Variants in SKAP1 observed in about 807,000 individuals in gnomAD.
SKAP1 encodes the protein src kinase-associated phosphoprotein 1.
Under a neutral mutation model 58.5 loss-of-function variants are expected in SKAP1, and 44 were observed. The observed-to-expected ratio is 0.75, with a 90% CI of 0.59 to 0.97. The LOEUF (loss-of-function observed/expected upper bound fraction) is 0.97, where lower values mean the gene tolerates loss of function less well. SKAP1 is among the 50% of genes least tolerant of loss of function. The pLI, the probability that SKAP1 is intolerant of heterozygous loss-of-function variation, is 0.00. For missense variants in SKAP1, 390 were observed against 435.2 expected (o/e 0.90, Z 0.92); for synonymous variants, 127 against 149.7 (o/e 0.85, Z 1.11).
intron 2 of SKAP1, among the ~76,000 whole-genome samples, chr17:48,377,845 A>G (rs1241268678): frequency 6.6e-6 from 1 of 152,186 alleles, no homozygotes; most frequent in African/African-American, 2.4e-5. Context: ...GTGCCTGCAT[A>G]TATTAAATAC....
chr17:48,289,875 G>T (rs919690308), intron 4 of SKAP1, among the ~76,000 whole-genome samples: 3 of 152,006 alleles, frequency 2.0e-5, no homozygotes, highest in Non-Finnish European at 4.4e-5. Context: ...TAAACTAAAG[G>T]AGTATTTCAG....
In SKAP1 at chr17:48,339,452, T is replaced by C. The variant is rs1210201133; in HGVS notation, c.280+6453A>G. Among the ~76,000 whole-genome samples the C allele has an allele frequency of 2.6e-5, 4 of 152,238 alleles. No homozygotes were observed. The East Asian group carries it at 7.7e-4, about 29-fold the overall frequency. ...CATAGCTTACATAGTTTTAAAAAAA[T>C]ACACACGAAGAAAGTTAACAAGCCT... On this transcript the variant is annotated intron_variant, in intron 4 of 12. Coordinates refer to ENST00000336915, the MANE Select transcript of SKAP1 (RefSeq NM_003726.4).
At chr17:48,228,718 T>TTAAGTAATTTGCTCAA (rs2065096227) in intron 4 of SKAP1, among the ~76,000 whole-genome samples, 1 of 152,170 alleles carries the variant, frequency 6.6e-6, no homozygotes, top group Admixed American at 6.5e-5. Flanking sequence ...GATACAGAGT[T>TTAAGTAATTTGCTCAA]TAAGTAATTT....
At position 48,410,015 on chromosome 17, in the gene SKAP1, A is replaced by T. The variant is rs559422869; in HGVS notation, c.47-13230T>A. On this transcript the variant is annotated intron_variant, in intron 1 of 12. Coordinates refer to ENST00000336915, the MANE Select transcript of SKAP1 (RefSeq NM_003726.4). ...AGGCGCTGACCTAAGTAGCTTTGGA[A>T]ATGAGCAGAATTTGCAAGACTACAG... Among the ~76,000 whole-genome samples, 4 of 152,362 alleles carry T rather than the reference A, an allele frequency of 2.6e-5. No individual in the cohort carries two copies. The South Asian group carries it at 8.3e-4, about 32-fold the overall frequency.
chr17:48,178,558 T>C (rs1364440707), intron 9 of SKAP1, among the ~76,000 whole-genome samples: 1 of 152,238 alleles, frequency 6.6e-6, no homozygotes, highest in Non-Finnish European at 1.5e-5. Flanking sequence ...TGTTTTAATG[T>C]AGCAATTTGA....
chr17:48,370,980 A>G (rs2067076905), intron 2 of SKAP1, among the ~76,000 whole-genome samples: 1 of 152,222 alleles, frequency 6.6e-6, no homozygotes, highest in African/African-American at 2.4e-5. Flanking sequence ...CCTTTTCAAC[A>G]AGATGGATGC....
rs1414269659 is a variant in SKAP1 at position 48,363,794 on chromosome 17, G to A, written c.173C>T (p.Pro58Leu). The A allele has an allele frequency of 6.2e-7, 1 of 1,605,936 alleles. No individual in the cohort carries two copies. Among genetic ancestry groups the A allele is most frequent in the Non-Finnish European group, 8.5e-7 (1 of 1,175,998 alleles). The change falls in exon 3 of 13, where the codon CCC becomes CTC. Residue 58 changes from proline (P) to leucine (L), a missense_variant. Coordinates refer to ENST00000336915, the MANE Select transcript of SKAP1 (RefSeq NM_003726.4). ...IKARYYWDFQ[P>L]QGGDIGQDSS... The stretch of plus-strand genomic sequence containing the variant: ...CGTGGTCAAAGAGGACTCACCTTGG[G>A]GCTGAAAATCCCAATAGTACCTGAA...
intron 2 of SKAP1, among the ~76,000 whole-genome samples, chr17:48,394,476 G>A (rs913092668): frequency 1.3e-5 from 2 of 151,722 alleles, no homozygotes; most frequent in African/African-American, 2.4e-5. Flanking sequence ...CAAATGGCTG[G>A]GACCACAGGC....
intron 11 of SKAP1, among the ~76,000 whole-genome samples, chr17:48,149,057 C>A (rs2063867801): frequency 6.6e-6 from 1 of 152,142 alleles, no homozygotes; most frequent in Non-Finnish European, 1.5e-5. Flanking sequence ...GGGGTTGGAG[C>A]CTCTCTCCTT....
intron 4 of SKAP1, among the ~76,000 whole-genome samples, chr17:48,191,426 G>C (rs1399606547): frequency 6.6e-6 from 1 of 152,122 alleles, no homozygotes; most frequent in African/African-American, 2.4e-5. Context: ...ACAAAGTAAG[G>C]CATAACTACA....
chr17:48,262,022 G>A (rs1401392819), intron 4 of SKAP1, among the ~76,000 whole-genome samples: 1 of 152,158 alleles, frequency 6.6e-6, no homozygotes, highest in Non-Finnish European at 1.5e-5. Flanking sequence ...TTGCTGCCAA[G>A]GGTCTGCAAC....
At chr17:48,439,148 C>T in the SKAP1 span, among the ~76,000 whole-genome samples, 126 of 152,338 alleles carry the variant, frequency 8.3e-4, no homozygotes, top group African/African-American at 2.9e-3. Context: ...CCTTGTGGAT[C>T]AAGCTGTTCC....
upstream of SKAP1, among the ~76,000 whole-genome samples, chr17:48,434,710 G>T (rs1284110913): frequency 1.3e-5 from 2 of 152,024 alleles, no homozygotes; most frequent in Non-Finnish European, 2.9e-5. Context: ...CTATACCCAG[G>T]GTCCCCCAGC....
At chr17:48,351,280 G>C (rs1345229087) in intron 3 of SKAP1, among the ~76,000 whole-genome samples, 4 of 152,160 alleles carry the variant, frequency 2.6e-5, no homozygotes, top group Non-Finnish European at 5.9e-5. Flanking sequence ...ATTAGAAAAT[G>C]TACTGTGTTT....
chr17:48,430,769 A>C (rs1567911724), upstream of SKAP1, among the ~76,000 whole-genome samples: 1 of 152,206 alleles, frequency 6.6e-6, no homozygotes, highest in Non-Finnish European at 1.5e-5. Flanking sequence ...ACAGGAAACC[A>C]AACTGTGCTG....
At chr17:48,389,450 C>T (rs560416373) in intron 2 of SKAP1, among the ~76,000 whole-genome samples, 1 of 152,350 alleles carries the variant, frequency 6.6e-6, no homozygotes, top group South Asian at 2.1e-4. Context: ...CTGAGATCTT[C>T]CCAAACAGGT....
intron 4 of SKAP1, among the ~76,000 whole-genome samples, chr17:48,210,118 T>C (rs2064854371): frequency 6.6e-6 from 1 of 152,172 alleles, no homozygotes; most frequent in Admixed American, 6.5e-5. Context: ...TCTGTACCTA[T>C]GCGGTAGACC....
intron 4 of SKAP1, among the ~76,000 whole-genome samples, chr17:48,224,038 A>AAGAAGG (rs2065036585): frequency 3.8e-5 from 2 of 52,440 alleles, no homozygotes; most frequent in South Asian, 9.1e-4. Flanking sequence ...GAGAGAGAAG[A>AAGAAGG]AGGAGGAGGA....
At chr17:48,178,375 C>T (rs761744775) in intron 9 of SKAP1, among the ~76,000 whole-genome samples, 2 of 152,064 alleles carry the variant, frequency 1.3e-5, no homozygotes, top group Non-Finnish European at 2.9e-5. Flanking sequence ...GAGTGTCACC[C>T]GGATATTTCC....
Sources: gnomAD v4.1 joint callset for allele counts (sites outside exome capture counted in the v4.1 genomes callset) on GRCh38, gnomAD v4.1.1 for gene constraint, MANE v1.5 for transcripts, NCBI Gene and HGNC (gene_info 2026-07-23, HGNC 2026-07-21) for gene names.